The following SLC26A11 variants were observed in gnomAD, a reference collection of about 807,000 sequenced individuals.
The protein encoded by SLC26A11 is solute carrier family 26 member 11, also known as sodium-independent sulfate anion transporter.
Under a neutral mutation model 62.2 loss-of-function variants are expected in SLC26A11, and 58 were observed. The ratio of observed to expected loss-of-function variants is 0.93; its 90% confidence interval spans 0.76 to 1.16. The LOEUF is 1.16. Ranked by LOEUF, SLC26A11 falls within the 50% of genes most tolerant of loss-of-function variation. The pLI, the probability that SLC26A11 is intolerant of heterozygous loss-of-function variation, is 0.00. For synonymous variants in SLC26A11, 411 were observed against 368.9 expected, an observed-to-expected ratio of 1.11 and a Z score of -1.31; for missense variants, 790 against 794.3, an observed-to-expected ratio of 0.99 and a Z score of 0.06.
chr17:80,223,401 G>A lies in SLC26A11; in HGVS notation c.513+64G>A. ...ACTGCTCGTTGGCACAGGGATGGCGGGAGCAGGACTGAGGCCAGTCCTGAT... is the reference window on the plus strand; with the variant it reads ...ACTGCTCGTTGGCACAGGGATGGCGAGAGCAGGACTGAGGCCAGTCCTGAT... On this transcript the variant is annotated intron_variant, in intron 5 of 17. Coordinates refer to ENST00000361193, the MANE Select transcript of SLC26A11 (RefSeq NM_001166347.2). This position sits in a 1 kb window ranked among gnomAD's most constrained non-coding sequence, Gnocchi z 4.6. 8.7e-6 allele frequency: 13 copies of A among 1,491,724 alleles called. No individual in the cohort carries two copies. The highest frequency in any genetic ancestry group is 1.7e-4 in the Middle Eastern group (1 of 5,852). 92.4% of individuals were successfully genotyped at this position (1,491,724 alleles called of 1,614,324 possible). A position where few individuals can be genotyped will look rare whatever the true frequency, so the allele number is the denominator to read the frequency against.
chr17:80,230,040 C>A (rs1028499088), intron 7 of SLC26A11, among the ~76,000 whole-genome samples: 1 of 151,880 alleles, frequency 6.6e-6, no homozygotes. Context: ...ACTAAAAATA[C>A]AAAAATTAGC....
chr17:80,251,762 C>CAA (rs113713263), intron 17 of SLC26A11, among the ~76,000 whole-genome samples: 17 of 112,320 alleles, frequency 1.5e-4, no homozygotes, highest in Non-Finnish European at 1.9e-4. Flanking sequence ...GACTCTGTCT[C>CAA]AAAAAAAAAA....
At chr17:80,230,654 A>G (rs927510514) in intron 7 of SLC26A11, among the ~76,000 whole-genome samples, 4 of 152,212 alleles carry the variant, frequency 2.6e-5, no homozygotes, top group African/African-American at 9.6e-5. Context: ...TTTTTTCTCT[A>G]GTACTTGCCT....
At chr17:80,251,650 C>G (rs2043159278) in intron 17 of SLC26A11, among the ~76,000 whole-genome samples, 1 of 151,792 alleles carries the variant, frequency 6.6e-6, no homozygotes, top group Non-Finnish European at 1.5e-5. Flanking sequence ...CTAGTCCCAG[C>G]TATTCGGGAG....
In SLC26A11 at chr17:80,252,414, T is replaced by C. The variant is rs569022856; in HGVS notation, c.1730-211T>C. On this transcript the variant is annotated intron_variant, in intron 17 of 17. Coordinates refer to ENST00000361193, the MANE Select transcript of SLC26A11 (RefSeq NM_001166347.2). The surrounding 1 kb of genome is among the most constrained non-coding windows in gnomAD (Gnocchi z 5.2). ...GGGATGGGAGGGTACCCTGGAGCAG[T>C]AAGAAAGGGCCGTTAGTCACCTGAA... 2.6e-4 allele frequency among the ~76,000 whole-genome samples: 40 copies of C among 151,992 alleles called. No individual in the cohort carries two copies. Among genetic ancestry groups the C allele is most frequent in the African/African-American group, 8.9e-4 (37 of 41,458 alleles).
At chr17:80,232,280 A>C (rs1311979071) in intron 7 of SLC26A11, among the ~76,000 whole-genome samples, 6 of 150,942 alleles carry the variant, frequency 4.0e-5, no homozygotes, top group Admixed American at 4.0e-4. Context: ...TTTGAGACAG[A>C]ATCTCTCTCT....
intron 5 of SLC26A11, among the ~76,000 whole-genome samples, chr17:80,224,215 G>A (rs1183183750): frequency 6.6e-6 from 1 of 151,488 alleles, no homozygotes; most frequent in Non-Finnish European, 1.5e-5. Context: ...GTGTGAATGA[G>A]TGAGTGTGTG....
At chr17:80,224,172 T>TGTGTGTGAGAGA (rs1369752315) in intron 5 of SLC26A11, among the ~76,000 whole-genome samples, 5 of 146,040 alleles carry the variant, frequency 3.4e-5, no homozygotes, top group African/African-American at 1.2e-4. Flanking sequence ...GACAGGAGAG[T>TGTGTGTGAGAGA]GTGTGTGAGA....
Position 80,226,530 on chromosome 17 carries a change from G to A in SLC26A11, c.593+614G>A, listed in dbSNP as rs139751051. Among the ~76,000 whole-genome samples, 395 of 152,270 alleles carry A rather than the reference G, an allele frequency of 2.6e-3. 1 individual carries two copies. Among genetic ancestry groups the A allele is most frequent in the African/African-American group, 8.0e-3 (334 of 41,538 alleles). On this transcript the variant is annotated intron_variant, in intron 6 of 17. Transcript: ENST00000361193. The stretch of plus-strand genomic sequence containing the variant: ...AGCCTGGTCAACATGGTGAAACTCC[G>A]TCTCTACTAAAAATACAAAAATTAG...
intron 6 of SLC26A11, 33 bp from the exon 7 acceptor site, chr17:80,227,785 C>A (rs746805699): frequency 1.3e-6 from 2 of 1,597,788 alleles, no homozygotes; most frequent in African/African-American, 2.7e-5. Context: ...CTGGGCCGAG[C>A]TGGGTGGTGA....
rs1175763289 is a variant in SLC26A11, at chr17:80,241,786, A to C, written c.1001A>C (p.Tyr334Ser). 1 of 1,614,044 alleles carries C rather than the reference A, an allele frequency of 6.2e-7. No homozygotes were observed. The highest frequency in any genetic ancestry group is 8.5e-7 in the Non-Finnish European group (1 of 1,180,030). The change falls in exon 10 of 18, where the codon TAC becomes TCC. Residue 334 changes from tyrosine to serine, a missense_variant. Coordinates refer to ENST00000361193, the MANE Select transcript of SLC26A11 (RefSeq NM_001166347.2). ...TTCCCTTTAGCATCTCAGAATAATT[A>C]CCGCATCGATGCCAACCAGGAGCTG... The part of the protein sequence containing the change: ...VAKAFASQNN[Y>S]RIDANQELLA...
Position 80,228,045 on chromosome 17 carries a change from C to T in SLC26A11, c.736+85C>T. 1 of 1,278,996 alleles carries T rather than the reference C, an allele frequency of 7.8e-7. No individual in the cohort carries two copies. Among genetic ancestry groups the T allele is most frequent in the Non-Finnish European group, 1.1e-6 (1 of 921,084 alleles). 79.2% of individuals were successfully genotyped at this position (1,278,996 alleles called of 1,614,324 possible). Reference sequence around the variant, plus strand: ...GAGTCCTAGTCCCACCCTAGGGATTCTCACGTCATTGGTCTGGGTGTCACT... The same window carrying T: ...GAGTCCTAGTCCCACCCTAGGGATTTTCACGTCATTGGTCTGGGTGTCACT... On this transcript the variant is annotated intron_variant, in intron 7 of 17. Coordinates refer to ENST00000361193, the MANE Select transcript of SLC26A11 (RefSeq NM_001166347.2). This position sits in a 1 kb window ranked among gnomAD's most constrained non-coding sequence, Gnocchi z 4.1.
rs757449598 is a variant in SLC26A11 at position 80,245,306 on chromosome 17, G to A, written c.1097+50G>A. The stretch of plus-strand genomic sequence containing the variant: ...GTTTGCCCACGTTGGACGCCCTAAC[G>A]TTGTTACGCTGACAAGGAGTCTGCC... On this transcript the variant is annotated intron_variant, in intron 11 of 17. Coordinates refer to ENST00000361193, the MANE Select transcript of SLC26A11 (RefSeq NM_001166347.2). 55 of 1,582,378 alleles carry A rather than the reference G, an allele frequency of 3.5e-5. No homozygotes were observed. In the South Asian group the frequency reaches 4.2e-4, roughly 12 times the overall value.
At chr17:80,236,296 G>A (rs1445002493) in intron 7 of SLC26A11, among the ~76,000 whole-genome samples, 2 of 152,160 alleles carry the variant, frequency 1.3e-5, no homozygotes, top group African/African-American at 4.8e-5. Flanking sequence ...CTCTGTCTCC[G>A]GCTGCCCTCT....
Position 80,221,854 on chromosome 17 carries a change from C to T in SLC26A11, c.234+60C>T. On this transcript the variant is annotated intron_variant, in intron 3 of 17. Coordinates refer to ENST00000361193, the MANE Select transcript of SLC26A11 (RefSeq NM_001166347.2). ...AGAAACAGTGCAGAATACACAGTAT[C>T]AATCCCAGACACCATCAGCGATTCC... 12 of 1,467,972 alleles carry T rather than the reference C, an allele frequency of 8.2e-6. No individual in the cohort carries two copies. The South Asian group carries it at 1.0e-4, about 12-fold the overall frequency. The allele number at this position is 1,467,972 out of a possible 1,614,324, so 90.9% of individuals were successfully genotyped here.
At position 80,252,772 on chromosome 17, in the gene SLC26A11, C is replaced by A; in HGVS notation, c.*56C>A. ...AGGGTGTTCCGGAAGGTTCTTGTCA[C>A]TGTGATTGGATGCTGGATGCCGCCT... On this transcript the variant is annotated 3_prime_UTR_variant, in exon 18 of 18. Transcript: ENST00000361193. The surrounding 1 kb of genome is among the most constrained non-coding windows in gnomAD (Gnocchi z 5.2). 6.7e-7 allele frequency: 1 copy of A among 1,495,676 alleles called. No homozygotes were observed. The highest frequency in any genetic ancestry group is 9.2e-7 in the Non-Finnish European group (1 of 1,081,968). 92.7% of individuals were successfully genotyped at this position (1,495,676 alleles called of 1,614,324 possible). A position where few individuals can be genotyped will look rare whatever the true frequency, so the allele number is the denominator to read the frequency against.
intron 2 of SLC26A11, chr17:80,221,340 G>C (rs1278304031): frequency 3.9e-6 from 2 of 507,656 alleles, no homozygotes; most frequent in Non-Finnish European, 6.9e-6. Context: ...TTCAGGGAGA[G>C]AGGGTGATGA....
In SLC26A11 at chr17:80,223,653, C is replaced by G. The variant is rs2042287408; in HGVS notation, c.513+316C>G. ...GCTGGCTCTGTGACGTGGCTCTGTT[C>G]TCCCTGCACTGGGCACACCCAGCAG... On this transcript the variant is annotated intron_variant, in intron 5 of 17. Transcript: ENST00000361193. This position sits in a 1 kb window ranked among gnomAD's most constrained non-coding sequence, Gnocchi z 4.6. Among the ~76,000 whole-genome samples the G allele has an allele frequency of 6.6e-6, 1 of 152,320 alleles. No homozygotes were observed. The highest frequency in any genetic ancestry group is 2.4e-5 in the African/African-American group (1 of 41,578).
In SLC26A11 at chr17:80,222,553, G is replaced by T. The variant is rs1471649238; in HGVS notation, c.235-102G>T. 2 of 1,261,874 alleles carry T rather than the reference G, an allele frequency of 1.6e-6. No individual in the cohort carries two copies. Among genetic ancestry groups the T allele is most frequent in the Non-Finnish European group, 2.3e-6 (2 of 888,126 alleles). The allele number at this position is 1,261,874 out of a possible 1,614,324, so 78.2% of individuals were successfully genotyped here. On this transcript the variant is annotated intron_variant, in intron 3 of 17. Coordinates refer to ENST00000361193, the MANE Select transcript of SLC26A11 (RefSeq NM_001166347.2). This position sits in a 1 kb window ranked among gnomAD's most constrained non-coding sequence, Gnocchi z 4.7. Reference sequence around the variant, plus strand: ...GCGGTGCACCTTTAACCTGGGCCTGGACACAGCTGACACCCACACATCCCG... The same window carrying T: ...GCGGTGCACCTTTAACCTGGGCCTGTACACAGCTGACACCCACACATCCCG...
Sources: gnomAD v4.1 joint callset for allele counts (sites outside exome capture counted in the v4.1 genomes callset) on GRCh38, gnomAD v4.1.1 for gene constraint, Gnocchi (gnomAD v3.1) non-coding constraint, MANE v1.5 for transcripts, NCBI Gene and HGNC (gene_info 2026-07-23, HGNC 2026-07-21) for gene names.